The following ACVR2A variants were observed in gnomAD, a reference collection of about 807,000 sequenced individuals.
The protein encoded by ACVR2A is activin A receptor type 2A.
In ACVR2A, 7 loss-of-function variants were observed where a neutral mutation model predicts 61.4. The observed-to-expected ratio is 0.11, with a 90% CI of 0.06 to 0.21. The LOEUF (loss-of-function observed/expected upper bound fraction) is 0.21. Among genes scored for constraint, ACVR2A ranks in the 10% least tolerant of loss-of-function variants. The pLI is 1.00. For missense variants in ACVR2A, 322 were observed against 621.7 expected (o/e 0.52, Z 5.13); for synonymous variants, 193 against 208.3 (o/e 0.93, Z 0.63).
chr2:147,857,645 T>A (rs1685617640), intron 1 of ACVR2A, among the ~76,000 whole-genome samples: 2 of 151,760 alleles, frequency 1.3e-5, no homozygotes, highest in Admixed American at 1.3e-4. Flanking sequence ...AGAGCAAACA[T>A]TCTGCCAGGA....
In ACVR2A at chr2:147,921,984, A is replaced by G. The variant is rs118147429; in HGVS notation, c.1078-989A>G. ...TACAAAGAACACATATAAAAGAGGG[A>G]ACATTTTATGTCAACATGGTAAATA... is the stretch of plus-strand genomic sequence containing the variant. On this transcript the variant is annotated intron_variant, in intron 8 of 10. Coordinates refer to ENST00000241416, the MANE Select transcript of ACVR2A (RefSeq NM_001616.5). Among the ~76,000 whole-genome samples the G allele has an allele frequency of 8.1e-4, 124 of 152,258 alleles. 5 individuals carry two copies. The East Asian group carries it at 0.023, about 28-fold the overall frequency.
intron 4 of ACVR2A, among the ~76,000 whole-genome samples, chr2:147,901,086 C>G (rs1160832576): frequency 6.6e-6 from 1 of 151,892 alleles, no homozygotes; most frequent in Non-Finnish European, 1.5e-5. Flanking sequence ...ACAGTAGTAG[C>G]TAAGTTTGTG....
intron 1 of ACVR2A, among the ~76,000 whole-genome samples, chr2:147,862,301 T>A (rs1685744890): frequency 6.7e-6 from 1 of 149,672 alleles, no homozygotes; most frequent in Non-Finnish European, 1.5e-5. Flanking sequence ...TTTTTTGGAG[T>A]AGGGGTCTTG....
Position 147,927,428 on chromosome 2 carries a change from G to C in ACVR2A, c.*154G>C, listed in dbSNP as rs1293306226. 1 of 733,866 alleles carries C rather than the reference G, an allele frequency of 1.4e-6. No individual in the cohort carries two copies. Among genetic ancestry groups the C allele is most frequent in the Admixed American group, 3.4e-5 (1 of 29,086 alleles). 45.5% of individuals were successfully genotyped at this position (733,866 alleles called of 1,614,324 possible). A position where few individuals can be genotyped will look rare whatever the true frequency, so the allele number is the denominator to read the frequency against. On this transcript the variant is annotated 3_prime_UTR_variant, in exon 11 of 11. Transcript: ENST00000241416. ...ACCCTTTGTTGAAAAATGTTGCTCT[G>C]GGAGACTTACTGCATTGCCGACAGC...
chr2:147,871,574 G>C (rs1380350070), intron 1 of ACVR2A, among the ~76,000 whole-genome samples: 1 of 151,980 alleles, frequency 6.6e-6, no homozygotes, highest in African/African-American at 2.4e-5. Flanking sequence ...TGAAGAAAAA[G>C]TAAAAAGAAA....
intron 8 of ACVR2A, 69 bp downstream of exon 8, chr2:147,920,413 A>G (rs969074055): frequency 1.7e-6 from 2 of 1,180,854 alleles, no homozygotes; most frequent in African/African-American, 3.1e-5. Context: ...ATGGCATGTC[A>G]GGACTGAATT....
intron 1 of ACVR2A, among the ~76,000 whole-genome samples, chr2:147,880,868 A>G (rs1207574276): frequency 6.6e-6 from 1 of 152,184 alleles, no homozygotes; most frequent in South Asian, 2.1e-4. Flanking sequence ...TGTCACCAGA[A>G]TAGATTTCAA....
chr2:147,866,356 T>C (rs1685855355), intron 1 of ACVR2A, among the ~76,000 whole-genome samples: 1 of 152,200 alleles, frequency 6.6e-6, no homozygotes, highest in Non-Finnish European at 1.5e-5. Context: ...CATGGAGATA[T>C]TGTTAAAATG....
At chr2:147,861,537 A>C (rs190222672) in intron 1 of ACVR2A, among the ~76,000 whole-genome samples, 1 of 152,288 alleles carries the variant, frequency 6.6e-6, no homozygotes, top group East Asian at 1.9e-4. Context: ...CAAAATTTGA[A>C]ATTCTTCAAA....
intron 4 of ACVR2A, among the ~76,000 whole-genome samples, chr2:147,903,311 TATTC>T (rs1686914820): frequency 6.6e-6 from 1 of 151,706 alleles, no homozygotes; most frequent in South Asian, 2.1e-4. Flanking sequence ...ACTTTATTCT[TATTC>T]ATCCTGGATG....
chr2:147,905,422 T>G (rs963523350), intron 4 of ACVR2A, among the ~76,000 whole-genome samples: 2 of 150,436 alleles, frequency 1.3e-5, no homozygotes, highest in African/African-American at 4.9e-5. Context: ...ACAATGTGAT[T>G]TTTTTTTTAA....
chr2:147,896,603 T>A, intron 2 of ACVR2A, 95 bp downstream of exon 2: 2 of 1,198,636 alleles, frequency 1.7e-6, no homozygotes, highest in South Asian at 1.4e-5. Context: ...AATTTTCACT[T>A]AAATGTTTCT....
chr2:147,855,454 T>C (rs529982085), intron 1 of ACVR2A, among the ~76,000 whole-genome samples: 1 of 152,280 alleles, frequency 6.6e-6, no homozygotes, highest in South Asian at 2.1e-4. Flanking sequence ...AGAGCAGATC[T>C]GGGTTATGTG....
At chr2:147,925,177 G>A (rs1054157670) in intron 9 of ACVR2A, among the ~76,000 whole-genome samples, 2 of 151,980 alleles carry the variant, frequency 1.3e-5, no homozygotes, top group African/African-American at 4.8e-5. Context: ...TATTTAGAGA[G>A]TTGGGTTCAA....
In ACVR2A at chr2:147,865,443, C is replaced by T. The variant is rs1187663298; in HGVS notation, c.55+20236C>T. On this transcript the variant is annotated intron_variant, in intron 1 of 10. Transcript: ENST00000241416. ...TGAATTGACTTTTCTATAAGTTTGA[C>T]GCTATTGTCTGCCTGTTTCTTCTCA... 3.9e-5 allele frequency among the ~76,000 whole-genome samples: 6 copies of T among 152,150 alleles called. No individual in the cohort carries two copies. In the East Asian group the frequency reaches 7.7e-4, roughly 19 times the overall value.
Position 147,929,880 on chromosome 2 carries a change from TCTAA to T in ACVR2A, c.*2609_*2612del, listed in dbSNP as rs1319347316. 2 of 152,492 alleles carry T rather than the reference TCTAA, an allele frequency of 1.3e-5. No homozygotes were observed. The highest frequency in any genetic ancestry group is 3.9e-4 in the East Asian group (2 of 5,194). The allele number at this position is 152,492 out of a possible 1,614,324, so 9.4% of individuals were successfully genotyped here. On this transcript the variant is annotated 3_prime_UTR_variant, in exon 11 of 11. Coordinates refer to ENST00000241416, the MANE Select transcript of ACVR2A (RefSeq NM_001616.5). ...TGATACCCATCAGAACTGCTGCTGC[TCTAA>T]CTTATACTCTTTACCTTGCCCAGAT...
At chr2:147,852,845 T>G (rs1017241353) in intron 1 of ACVR2A, among the ~76,000 whole-genome samples, 3 of 152,110 alleles carry the variant, frequency 2.0e-5, no homozygotes, top group Admixed American at 2.0e-4. Context: ...TGACCATGGA[T>G]GAAGGCAAGG....
Position 147,869,329 on chromosome 2 carries a change from T to C in ACVR2A, c.55+24122T>C, listed in dbSNP as rs560510911. Among the ~76,000 whole-genome samples the C allele has an allele frequency of 7.0e-4, 107 of 151,982 alleles. 1 individual carries two copies. Among genetic ancestry groups the C allele is most frequent in the Non-Finnish European group, 1.2e-3 (79 of 67,982 alleles). ...AAGTGTTGAAATTGATTTTGCATCA[T>C]TCATAAGGGAGACTGACTATTCTTC... On this transcript the variant is annotated intron_variant, in intron 1 of 10. Transcript: ENST00000241416.
chr2:147,924,971 A>G (rs1236743169), intron 9 of ACVR2A, among the ~76,000 whole-genome samples: 3 of 152,048 alleles, frequency 2.0e-5, no homozygotes, highest in African/African-American at 4.8e-5. Flanking sequence ...GATAATTCTT[A>G]TATTTGAAGA....
Sources: allele counts gnomAD v4.1 joint callset (sites outside exome capture counted in the v4.1 genomes callset), GRCh38; gene constraint gnomAD v4.1.1; transcripts MANE v1.5; gene names NCBI Gene and HGNC (gene_info 2026-07-23, HGNC 2026-07-21).